PYROXD2: variants seen among roughly 807,000 people sequenced by gnomAD.
PYROXD2 encodes pyridine nucleotide-disulphide oxidoreductase domain 2.
A neutral mutation model predicts 71.1 loss-of-function variants in PYROXD2; 69 were observed. The ratio of observed to expected loss-of-function variants is 0.97; its 90% CI spans 0.80 to 1.19. The LOEUF (loss-of-function observed/expected upper bound fraction) is 1.19, where lower values mean the gene tolerates loss of function less well. PYROXD2 is among the 50% of genes most tolerant of loss of function. PYROXD2 has a pLI of 0.00. For missense variants in PYROXD2, 745 were observed against 748.9 expected (o/e 0.99, Z 0.06); for synonymous variants, 287 against 302.7 (o/e 0.95, Z 0.54).
intron 1 of PYROXD2, 101 bp from the exon 2 acceptor site, chr10:98,411,059 A>G (rs1020198876): frequency 2.0e-6 from 3 of 1,520,542 alleles, no homozygotes; most frequent in Admixed American, 2.0e-5. Flanking sequence ...TCCCCATGCC[A>G]TGAAGATCCT....
chr10:98,397,227 A>T, intron 6 of PYROXD2, 118 bp downstream of exon 6: 1 of 1,369,620 alleles, frequency 7.3e-7, no homozygotes, highest in Non-Finnish European at 9.8e-7. Context: ...GCAGCATGTT[A>T]ACTGATCCCA....
chr10:98,388,308 C>T (rs1842824226), intron 13 of PYROXD2, 46 bp downstream of exon 13: 2 of 1,606,196 alleles, frequency 1.2e-6, no homozygotes, highest in African/African-American at 2.7e-5. Flanking sequence ...AGTTGGGTCG[C>T]ATGCCCGGCT....
chr10:98,390,811 C>T, intron 11 of PYROXD2, 57 bp from the exon 12 acceptor site: 2 of 1,532,164 alleles, frequency 1.3e-6, no homozygotes, highest in Non-Finnish European at 1.8e-6. Context: ...CCCTCTACAG[C>T]CAGCACCCTG....
At chr10:98,390,479 C>A (rs1207279684) in intron 12 of PYROXD2, 119 bp downstream of exon 12, 14 of 1,234,928 alleles carry the variant, frequency 1.1e-5, no homozygotes, top group Admixed American at 7.7e-5. Context: ...TTTGGCAGAT[C>A]CTAAGTCACT....
rs1842660864 is a variant in PYROXD2 at position 98,383,727 on chromosome 10, G to T, written c.*71C>A. The T allele has an allele frequency of 1.5e-6, 2 of 1,341,332 alleles. No individual in the cohort carries two copies. Among genetic ancestry groups the T allele is most frequent in the Admixed American group, 3.4e-5 (2 of 59,428 alleles). The allele number at this position is 1,341,332 out of a possible 1,614,324, so 83.1% of individuals were successfully genotyped here. ...TACTAACCCGAAGCTGAACTTCCTG[G>T]GAAGCTGATCCAATGGAGCACTTGG... On this transcript the variant is annotated 3_prime_UTR_variant, in exon 16 of 16. Coordinates refer to ENST00000370575, the MANE Select transcript of PYROXD2 (RefSeq NM_032709.3).
chr10:98,400,348 G>C, intron 4 of PYROXD2, 91 bp from the exon 5 acceptor site: 7 of 1,302,168 alleles, frequency 5.4e-6, no homozygotes, highest in Non-Finnish European at 7.4e-6. Flanking sequence ...TGACCATTTA[G>C]GTACCTGTGT....
At chr10:98,398,104 A>G (rs1843261115) in intron 5 of PYROXD2, among the ~76,000 whole-genome samples, 1 of 152,048 alleles carries the variant, frequency 6.6e-6, no homozygotes, top group Non-Finnish European at 1.5e-5. Context: ...GCTGGTCAAG[A>G]ACTTCTGACC....
At chr10:98,410,912 A>G in intron 2 of PYROXD2, 27 bp downstream of exon 2, 1 of 1,560,286 alleles carries the variant, frequency 6.4e-7, no homozygotes, top group Non-Finnish European at 8.7e-7. Flanking sequence ...GGGCCAGTGA[A>G]GTGGGATCAA....
At chr10:98,391,188 C>T in intron 10 of PYROXD2, 106 bp from the exon 11 acceptor site, 1 of 775,430 alleles carries the variant, frequency 1.3e-6, no homozygotes, top group South Asian at 1.4e-5. Flanking sequence ...TCCGGAAATC[C>T]TCTTCATCCT....
chr10:98,410,583 G>T, intron 2 of PYROXD2: 1 of 272,358 alleles, frequency 3.7e-6, no homozygotes, highest in Non-Finnish European at 6.9e-6. Context: ...CCCCCACCCC[G>T]CCCCAGGTGC....
In PYROXD2 at chr10:98,388,453, CA is replaced by C; in HGVS notation, c.1347del (p.Gly450AlafsTer4). 1.2e-6 allele frequency: 2 copies of C among 1,612,730 alleles called. No individual in the cohort carries two copies. The highest frequency in any genetic ancestry group is 1.7e-6 in the Non-Finnish European group (2 of 1,179,650). ...GTGAAGAGGGAGACTACATGGCAGCCAGGGGGAGCCAGGGTGGGGTCCAGCG... is the reference window on the plus strand; with the variant it reads ...GTGAAGAGGGAGACTACATGGCAGCCGGGGGAGCCAGGGTGGGGTCCAGCG... ...PSSLDPTLAP[P>X]GCHVVSLFTQ... On this transcript the variant is annotated frameshift_variant, in exon 13 of 16. Transcript: ENST00000370575. LOFTEE classifies it high-confidence loss of function.
chr10:98,407,576 C>A lies in PYROXD2; in HGVS notation c.315+6G>T, dbSNP rs1477113667. On this transcript the variant is annotated splice_donor_region_variant and intron_variant, in intron 4 of 15. Coordinates refer to ENST00000370575, the MANE Select transcript of PYROXD2 (RefSeq NM_032709.3). ...CCGTGCAATCGGGCCGGCGGGGGGG[C>A]CCTACCTTCAGCTCCAGATCAGTGT... is the stretch of plus-strand genomic sequence containing the variant. 8 of 1,613,044 alleles carry A rather than the reference C, an allele frequency of 5.0e-6. No individual in the cohort carries two copies. The highest frequency in any genetic ancestry group is 6.8e-6 in the Non-Finnish European group (8 of 1,179,918).
At chr10:98,414,679 G>A (rs1843924431) in intron 1 of PYROXD2, 1 of 221,940 alleles carries the variant, frequency 4.5e-6, no homozygotes, top group Non-Finnish European at 8.8e-6. Flanking sequence ...GGCTGAGAAT[G>A]TGGTGGAAAC....
intron 14 of PYROXD2, 51 bp from the exon 15 acceptor site, chr10:98,385,118 T>G (rs372720026): frequency 6.2e-7 from 1 of 1,603,370 alleles, no homozygotes; most frequent in Admixed American, 1.7e-5. Flanking sequence ...CAGCCTTTCC[T>G]GCTCTGGCTG....
intron 5 of PYROXD2, among the ~76,000 whole-genome samples, chr10:98,397,877 CTTTTTTTTTTTTTTTTTTT>C (rs60678578): frequency 1.2e-5 from 1 of 84,172 alleles, no homozygotes. Context: ...GTCCTTTCTT[CTTTTTTTTTTTTTTTTTTT>C]TTTTGAGATG....
intron 5 of PYROXD2, among the ~76,000 whole-genome samples, chr10:98,399,346 C>T (rs898895296): frequency 1.3e-5 from 2 of 152,162 alleles, no homozygotes; most frequent in Admixed American, 6.5e-5. Context: ...AAAATGTCTC[C>T]ACTGAGATAT....
intron 4 of PYROXD2, among the ~76,000 whole-genome samples, chr10:98,405,280 T>C (rs1488383007): frequency 2.6e-5 from 4 of 152,146 alleles, no homozygotes; most frequent in African/African-American, 7.2e-5. Flanking sequence ...AGGCAGGCCC[T>C]GGTGGGGACC....
chr10:98,414,593 A>G, intron 1 of PYROXD2: 1 of 158,058 alleles, frequency 6.3e-6, no homozygotes. Flanking sequence ...ACCAGAACTC[A>G]GGGCACTGAG....
At chr10:98,413,410 T>C (rs190359103) in intron 1 of PYROXD2, among the ~76,000 whole-genome samples, 30 of 152,326 alleles carry the variant, frequency 2.0e-4, no homozygotes, top group Admixed American at 9.2e-4. Flanking sequence ...TTGAGTAACA[T>C]CATTCCTGTC....
Sources: allele counts gnomAD v4.1 joint callset (sites outside exome capture counted in the v4.1 genomes callset), GRCh38; gene constraint gnomAD v4.1.1; transcripts MANE v1.5; gene names NCBI Gene and HGNC (gene_info 2026-07-23, HGNC 2026-07-21).